APBB2: variants seen among roughly 807,000 people sequenced by gnomAD.
APBB2 encodes Fe65-like 1.
Under a neutral mutation model 82.5 loss-of-function variants are expected in APBB2, and 38 were observed. The ratio of observed to expected loss-of-function variants is 0.46; its 90% CI spans 0.36 to 0.60. APBB2 has a LOEUF of 0.60. Ranked by LOEUF, APBB2 falls within the 20% of genes least tolerant of loss-of-function variation. APBB2 has a pLI of 0.00. For missense variants in APBB2, 772 were observed against 972.3 expected (o/e 0.79, Z 2.74); for synonymous variants, 341 against 368.2 (o/e 0.93, Z 0.85).
At chr4:41,199,159 G>GC (rs1776077025) in intron 1 of APBB2, among the ~76,000 whole-genome samples, 1 of 150,124 alleles carries the variant, frequency 6.7e-6, no homozygotes, top group Admixed American at 6.6e-5. Context: ...ATATTTTTGG[G>GC]GGGGACACAA....
In APBB2 at chr4:40,932,193, T is replaced by A. The variant is rs1784379097; in HGVS notation, c.1254+2263A>T. Among the ~76,000 whole-genome samples, 4 of 152,234 alleles carry A rather than the reference T, an allele frequency of 2.6e-5. No individual in the cohort carries two copies. In the South Asian group the frequency reaches 8.3e-4, roughly 32 times the overall value. ...CATACATCACTGCCCCAGCCCTTAG[T>A]GGTGGACAGAGATATTCACTGCTCC... On this transcript the variant is annotated intron_variant, in intron 10 of 17. Coordinates refer to ENST00000508593, the MANE Select transcript of APBB2 (RefSeq NM_004307.2).
At chr4:41,205,028 T>C (rs1448424138) in intron 1 of APBB2, among the ~76,000 whole-genome samples, 2 of 152,192 alleles carry the variant, frequency 1.3e-5, no homozygotes, top group African/African-American at 2.4e-5. Flanking sequence ...AAATTAGGCA[T>C]AATTCTAGGC....
At chr4:41,142,400 C>T (rs566009310) in intron 2 of APBB2, among the ~76,000 whole-genome samples, 2 of 152,124 alleles carry the variant, frequency 1.3e-5, no homozygotes, top group African/African-American at 2.4e-5. Flanking sequence ...CTTCCCCTGT[C>T]GTATATAAGT....
intron 10 of APBB2, among the ~76,000 whole-genome samples, chr4:40,896,713 C>T (rs1342491765): frequency 1.3e-5 from 2 of 152,138 alleles, no homozygotes; most frequent in Non-Finnish European, 2.9e-5. Flanking sequence ...CTGGGGTATC[C>T]CTGTCATTCT....
intron 10 of APBB2, among the ~76,000 whole-genome samples, chr4:40,909,888 CAT>C (rs1027278916): frequency 1.3e-5 from 2 of 152,226 alleles, no homozygotes; most frequent in African/African-American, 4.8e-5. Context: ...TGTAGCACAA[CAT>C]GTTTTCACAA....
chr4:41,172,357 G>A (rs1028809651), intron 1 of APBB2, among the ~76,000 whole-genome samples: 1 of 151,414 alleles, frequency 6.6e-6, no homozygotes, highest in Non-Finnish European at 1.5e-5. Flanking sequence ...TTTGGCCTAC[G>A]TAACTTCTAC....
chr4:41,022,365 T>C (rs1711964843), intron 5 of APBB2, among the ~76,000 whole-genome samples: 1 of 152,128 alleles, frequency 6.6e-6, no homozygotes, highest in South Asian at 2.1e-4. Flanking sequence ...AAGTGTGAGA[T>C]CTGGGAAGAA....
rs372781720 is a variant in APBB2, at chr4:40,928,096, G to C, written c.1254+6360C>G. Among the ~76,000 whole-genome samples the C allele has an allele frequency of 1.2e-3, 181 of 152,342 alleles. No homozygotes were observed. The South Asian group carries it at 0.012, about 10-fold the overall frequency. On this transcript the variant is annotated intron_variant, in intron 10 of 17. Coordinates refer to ENST00000508593, the MANE Select transcript of APBB2 (RefSeq NM_004307.2). ...ACCTGGCCGCCTAAAACGTGCCAAG[G>C]AGTTGTCTTCTTAACAAATGCGGCC...
At position 41,007,311 on chromosome 4, in the gene APBB2, T is replaced by C. The variant is rs184035151; in HGVS notation, c.835+6272A>G. Among the ~76,000 whole-genome samples the C allele has an allele frequency of 5.9e-5, 9 of 151,888 alleles. No homozygotes were observed. In the East Asian group the frequency reaches 1.7e-3, roughly 29 times the overall value. On this transcript the variant is annotated intron_variant, in intron 6 of 17. Transcript: ENST00000508593. ...CATGTTATTCTGCAGCAAACGGCAC[T>C]CACTAGATGCTGGTGTTATGCTCTT...
At position 41,024,656 on chromosome 4, in the gene APBB2, A is replaced by G. The variant is rs370396087; in HGVS notation, c.19+8580T>C. On this transcript the variant is annotated intron_variant, in intron 5 of 17. Coordinates refer to ENST00000508593, the MANE Select transcript of APBB2 (RefSeq NM_004307.2). ...CCAGCCCTCCTTCAACATAGGGAGA[A>G]GAAAACAAATTTTCCTTTCCCCTAT... Among the ~76,000 whole-genome samples the G allele has an allele frequency of 3.9e-5, 6 of 152,244 alleles. No homozygotes were observed. In the East Asian group the frequency reaches 1.2e-3, roughly 29 times the overall value.
At chr4:41,084,484 G>C (rs1738904565) in intron 3 of APBB2, 1 of 152,146 alleles carries the variant, frequency 6.6e-6, no homozygotes, top group Non-Finnish European at 1.5e-5. Context: ...TTTTAAGTAA[G>C]AATTTCGATA....
At chr4:40,986,997 T>C (rs543376891) in intron 6 of APBB2, among the ~76,000 whole-genome samples, 2 of 152,266 alleles carry the variant, frequency 1.3e-5, no homozygotes, top group Admixed American at 1.3e-4. Flanking sequence ...CCTTTTAAAA[T>C]GTAATCAATA....
At chr4:41,007,848 T>A (rs1478501940) in intron 6 of APBB2, among the ~76,000 whole-genome samples, 2 of 152,236 alleles carry the variant, frequency 1.3e-5, no homozygotes, top group Non-Finnish European at 2.9e-5. Context: ...ACGTGGCTGC[T>A]GCTTTCATGG....
At chr4:41,048,676 T>TACGGTCTCCCTCTCCCTCTCCTTCC (rs1371633544) in intron 4 of APBB2, among the ~76,000 whole-genome samples, 2 of 87,438 alleles carry the variant, frequency 2.3e-5, no homozygotes, top group African/African-American at 9.0e-5. Flanking sequence ...CCGTCTCCCC[T>TACGGTCTCCCTCTCCCTCTCCTTCC]ACGGTCTCCC....
intron 6 of APBB2, among the ~76,000 whole-genome samples, chr4:41,005,398 T>G (rs1246390619): frequency 1.8e-5 from 2 of 108,268 alleles, no homozygotes; most frequent in African/African-American, 6.0e-5. Flanking sequence ...AACTTAAGGG[T>G]TTTTTTTTTG....
chr4:40,834,801 G>C (rs1405114586), intron 12 of APBB2, among the ~76,000 whole-genome samples: 1 of 152,140 alleles, frequency 6.6e-6, no homozygotes, highest in African/African-American at 2.4e-5. Context: ...GCCCCTGGAA[G>C]AAACACAGCC....
chr4:41,048,667 CGTCTCCCCTACG>C (rs1310224798), intron 4 of APBB2, among the ~76,000 whole-genome samples: 1 of 149,182 alleles, frequency 6.7e-6, no homozygotes, highest in African/African-American at 2.5e-5. Context: ...CTCTCCCTCC[CGTCTCCCCTACG>C]GTCTCCCTCT....
At chr4:41,025,924 AGAGT>A (rs1266983800) in intron 5 of APBB2, among the ~76,000 whole-genome samples, 1 of 144,276 alleles carries the variant, frequency 6.9e-6, no homozygotes, top group Non-Finnish European at 1.5e-5. Flanking sequence ...CCTGGGCGAA[AGAGT>A]GAGACTCCAT....
At chr4:40,966,113 A>C (rs1276323743) in intron 6 of APBB2, among the ~76,000 whole-genome samples, 1 of 152,234 alleles carries the variant, frequency 6.6e-6, no homozygotes, top group Non-Finnish European at 1.5e-5. Flanking sequence ...TATGTGACTT[A>C]AGCATCTACT....
Sources: allele counts gnomAD v4.1 joint callset (sites outside exome capture counted in the v4.1 genomes callset), GRCh38; gene constraint gnomAD v4.1.1; transcripts MANE v1.5; gene names NCBI Gene and HGNC (gene_info 2026-07-23, HGNC 2026-07-21).